The following PCDH15 variants were observed in gnomAD, a reference collection of about 807,000 sequenced individuals.
The protein encoded by PCDH15 is protocadherin related 15, also known as protocadherin-15.
PCDH15 carries 129 observed loss-of-function variants against 178.5 expected under a neutral mutation model. The ratio of observed to expected loss-of-function variants is 0.72; its 90% CI spans 0.63 to 0.84. PCDH15 has a LOEUF of 0.84. Among genes scored for constraint, PCDH15 ranks in the 40% least tolerant of loss-of-function variants. PCDH15 has a pLI of 0.00. For missense variants in PCDH15, 2,230 were observed against 2,099.9 expected, an observed-to-expected ratio of 1.06 and a Z score of -1.21; for synonymous variants, 800 against 732.0, an observed-to-expected ratio of 1.09 and a Z score of -1.50.
chr10:54,435,414 G>A (rs2075315005), intron 3 of PCDH15, among the ~76,000 whole-genome samples: 1 of 152,120 alleles, frequency 6.6e-6, no homozygotes, highest in Non-Finnish European at 1.5e-5. Flanking sequence ...ATAACATGCT[G>A]GGGCCTTCTC....
chr10:54,739,412 ATAAAT>A (rs1944499712), intron 1 of PCDH15, among the ~76,000 whole-genome samples: 2 of 152,022 alleles, frequency 1.3e-5, no homozygotes, highest in Admixed American at 1.3e-4. Flanking sequence ...GATTGATAAA[ATAAAT>A]TAAAAAGGAG....
At chr10:53,965,227 T>G (rs1385252636) in intron 21 of PCDH15, among the ~76,000 whole-genome samples, 1 of 152,074 alleles carries the variant, frequency 6.6e-6, no homozygotes, top group East Asian at 1.9e-4. Flanking sequence ...CCGGCTAATT[T>G]TTTTCTATTT....
chr10:55,323,527 A>T (rs546872508), upstream of PCDH15, among the ~76,000 whole-genome samples: 138 of 152,292 alleles, frequency 9.1e-4, no homozygotes, highest in African/African-American at 2.5e-3. Flanking sequence ...CATCAGTGTG[A>T]CCTGGATGTG....
intron 1 of PCDH15, among the ~76,000 whole-genome samples, chr10:54,682,888 A>G (rs1163335079): frequency 2.0e-5 from 3 of 152,114 alleles, no homozygotes; most frequent in African/African-American, 7.2e-5. Flanking sequence ...TTTGTTCAAG[A>G]TTTGCTTGAT....
rs760404774 is a variant in PCDH15 at position 54,436,025 on chromosome 10, AGGAGAG to A, written c.158-57089_158-57084del. 4.8e-3 allele frequency among the ~76,000 whole-genome samples: 233 copies of A among 48,356 alleles called. 3 individuals carry two copies. Among genetic ancestry groups the A allele is most frequent in the African/African-American group, 0.024 (189 of 7,722 alleles). 31.7% of individuals were successfully genotyped at this position (48,356 alleles called of 152,430 possible). A position where few individuals can be genotyped will look rare whatever the true frequency, so the allele number is the denominator to read the frequency against. ...AGAAGAGGAGAGGAGAGGAGAGGAG[AGGAGAG>A]GAGAGAGAGAGAGAGAGAGAAAAGA... On this transcript the variant is annotated intron_variant, in intron 3 of 37. Transcript: ENST00000644397.
At chr10:54,959,478 A>T (rs780211811) in intron 2 of PCDH15, among the ~76,000 whole-genome samples, 20 of 152,020 alleles carry the variant, frequency 1.3e-4, no homozygotes, top group Non-Finnish European at 2.7e-4. Flanking sequence ...GAAAATTTTA[A>T]GGTGAAAAGG....
intron 3 of PCDH15, among the ~76,000 whole-genome samples, chr10:54,883,906 T>C (rs191059784): frequency 4.5e-4 from 68 of 152,140 alleles, no homozygotes; most frequent in African/African-American, 1.5e-3. Flanking sequence ...TTTATATAAG[T>C]GGATAATGTG....
chr10:53,856,554 C>T (rs1433948096), intron 28 of PCDH15, among the ~76,000 whole-genome samples: 1 of 152,064 alleles, frequency 6.6e-6, no homozygotes, highest in Non-Finnish European at 1.5e-5. Flanking sequence ...ATTTCCTGGA[C>T]TGGCCAGACT....
At chr10:55,524,758 A>G (rs1227171696) in intron 2 of PCDH15, among the ~76,000 whole-genome samples, 1 of 151,202 alleles carries the variant, frequency 6.6e-6, no homozygotes, top group East Asian at 1.9e-4. Context: ...CCCAAAGCAC[A>G]GCTGTATGAC....
chr10:55,315,977 T>C (rs1288207271), intron 1 of PCDH15, among the ~76,000 whole-genome samples: 5 of 152,136 alleles, frequency 3.3e-5, no homozygotes, highest in Admixed American at 2.0e-4. Context: ...GACTGCACCA[T>C]TGCATTCCAG....
At chr10:54,143,541 C>T (rs1256666507) in intron 14 of PCDH15, among the ~76,000 whole-genome samples, 1 of 152,058 alleles carries the variant, frequency 6.6e-6, no homozygotes, top group Non-Finnish European at 1.5e-5. Context: ...AATTCCAGGG[C>T]ACTAATTGAA....
chr10:55,422,908 A>C (rs981559837), intron 2 of PCDH15, among the ~76,000 whole-genome samples: 1 of 151,908 alleles, frequency 6.6e-6, no homozygotes. Flanking sequence ...TATCACTATA[A>C]ATCAACAAAG....
chr10:54,858,660 T>G (rs927890911), intron 3 of PCDH15, among the ~76,000 whole-genome samples: 2 of 152,074 alleles, frequency 1.3e-5, no homozygotes, highest in African/African-American at 4.8e-5. Flanking sequence ...TTCACATTGA[T>G]AGCTTTTAAT....
At chr10:55,293,344 G>A (rs1014339496) in intron 1 of PCDH15, among the ~76,000 whole-genome samples, 1 of 152,164 alleles carries the variant, frequency 6.6e-6, no homozygotes, top group African/African-American at 2.4e-5. Flanking sequence ...TGATGGATGG[G>A]GCTGCCATGA....
At position 55,539,108 on chromosome 10, in the gene PCDH15, C is replaced by A. The variant is rs548135116; in HGVS notation, c.-156+88517G>T. On this transcript the variant is annotated intron_variant, in intron 2 of 5. Transcript: ENST00000613346. ...CCTCCCTTCCTTGCTTCCTTCCTTC[C>A]TTCTTCTAATGTGTGTACTATTATT... Among the ~76,000 whole-genome samples the A allele has an allele frequency of 2.7e-5, 4 of 148,538 alleles. No individual in the cohort carries two copies. In the East Asian group the frequency reaches 7.9e-4, roughly 29 times the overall value.
chr10:54,897,311 A>G (rs1438482009), intron 3 of PCDH15: 2 of 152,206 alleles, frequency 1.3e-5, no homozygotes, highest in African/African-American at 2.4e-5. Flanking sequence ...TAATTGCAAC[A>G]TATCGATGAT....
At chr10:54,446,565 ATTAT>A (rs1256370142) in intron 3 of PCDH15, among the ~76,000 whole-genome samples, 1 of 151,104 alleles carries the variant, frequency 6.6e-6, no homozygotes, top group African/African-American at 2.4e-5. Flanking sequence ...TTCTTTTTGA[ATTAT>A]TTATTTTTTA....
intron 2 of PCDH15, among the ~76,000 whole-genome samples, chr10:55,610,729 T>C (rs1053898484): frequency 6.6e-6 from 1 of 152,026 alleles, no homozygotes; most frequent in African/African-American, 2.4e-5. Flanking sequence ...GAAAATTCAA[T>C]TATACCCCCA....
chr10:55,233,117 A>T (rs1841273156), intron 1 of PCDH15, among the ~76,000 whole-genome samples: 1 of 152,140 alleles, frequency 6.6e-6, no homozygotes, highest in African/African-American at 2.4e-5. Flanking sequence ...CTGTATATTT[A>T]TAGAGATAAA....
Sources: allele counts gnomAD v4.1 joint callset (sites outside exome capture counted in the v4.1 genomes callset), GRCh38; gene constraint gnomAD v4.1.1; transcripts MANE v1.5; gene names NCBI Gene and HGNC (gene_info 2026-07-23, HGNC 2026-07-21).